DOCK3: variants seen among roughly 807,000 people sequenced by gnomAD.
DOCK3 encodes the protein dedicator of cytokinesis protein 3.
DOCK3 carries 60 observed loss-of-function variants against 265.6 expected under a neutral mutation model. The observed-to-expected ratio is 0.23, with a 90% CI of 0.18 to 0.28. DOCK3 has a LOEUF of 0.28. DOCK3 is among the 10% of genes least tolerant of loss of function. The probability of loss-of-function intolerance (pLI) is 1.00; values close to 1 mark genes in which losing one functional copy is unlikely to be tolerated. For synonymous variants in DOCK3, 881 were observed against 938.0 expected, an observed-to-expected ratio of 0.94 and a Z score of 1.11; for missense variants, 1,981 against 2,594.3, an observed-to-expected ratio of 0.76 and a Z score of 5.14.
chr3:51,273,514 T>G (rs931367433), intron 24 of DOCK3, among the ~76,000 whole-genome samples: 8 of 152,232 alleles, frequency 5.3e-5, no homozygotes, highest in Non-Finnish European at 8.8e-5. Flanking sequence ...TAACCACTGT[T>G]TTTTTCTGTA....
intron 9 of DOCK3, among the ~76,000 whole-genome samples, chr3:51,144,009 G>A (rs1395258726): frequency 1.3e-5 from 2 of 152,002 alleles, no homozygotes; most frequent in Admixed American, 1.3e-4. Context: ...TCTTGTATTC[G>A]AGCCTGTGAT....
At chr3:50,758,498 G>A (rs1353107187) in intron 1 of DOCK3, among the ~76,000 whole-genome samples, 1 of 152,022 alleles carries the variant, frequency 6.6e-6, no homozygotes, top group Non-Finnish European at 1.5e-5. Flanking sequence ...ATTTGTAAGT[G>A]TACAGTTCTG....
At position 51,239,474 on chromosome 3, in the gene DOCK3, G is replaced by T. The variant is rs147711337; in HGVS notation, c.2102+1884G>T. On this transcript the variant is annotated intron_variant, in intron 21 of 52. Transcript: ENST00000266037. ...GCCTCCCAAAGTGCTGGGATTACAG[G>T]TGTAAGCCACTGTGCCCAGCCACTG... 7.5e-3 allele frequency among the ~76,000 whole-genome samples: 1,137 copies of T among 151,834 alleles called. 15 individuals carry two copies. Among genetic ancestry groups the T allele is most frequent in the African/African-American group, 0.026 (1,092 of 41,430 alleles).
chr3:51,077,799 C>A (rs2082102660), intron 7 of DOCK3, among the ~76,000 whole-genome samples: 2 of 152,124 alleles, frequency 1.3e-5, no homozygotes, highest in African/African-American at 4.8e-5. Context: ...GTCTAGAGCT[C>A]ATAAATGAAG....
chr3:51,346,825 A>G (rs370235059), intron 38 of DOCK3, among the ~76,000 whole-genome samples: 14 of 152,196 alleles, frequency 9.2e-5, no homozygotes, highest in Admixed American at 5.2e-4. Flanking sequence ...TTTAATGATC[A>G]CCATTCTAAC....
chr3:50,696,637 T>C (rs1013009293), intron 1 of DOCK3, among the ~76,000 whole-genome samples: 3 of 152,210 alleles, frequency 2.0e-5, no homozygotes, highest in African/African-American at 7.2e-5. Flanking sequence ...GACCATGTTA[T>C]TTGCAGCTAC....
chr3:51,004,555 C>T (rs539408080), intron 5 of DOCK3, among the ~76,000 whole-genome samples: 290 of 152,092 alleles, frequency 1.9e-3, no homozygotes, highest in African/African-American at 6.7e-3. Context: ...GTGATTCCAA[C>T]TGTGTTTATG....
chr3:51,358,171 G>A, intron 46 of DOCK3, 94 bp downstream of exon 46: 5 of 1,335,042 alleles, frequency 3.7e-6, no homozygotes, highest in Non-Finnish European at 4.2e-6. Context: ...AGGAGAGAGG[G>A]AGCCTGGGCA....
At chr3:51,176,827 C>T (rs760917175) in intron 12 of DOCK3, among the ~76,000 whole-genome samples, 13 of 152,162 alleles carry the variant, frequency 8.5e-5, no homozygotes, top group South Asian at 2.1e-4. Context: ...ACTGGTGGTT[C>T]GGAAAATGAG....
chr3:51,305,024 A>G (rs2082575545), intron 27 of DOCK3, among the ~76,000 whole-genome samples: 1 of 152,244 alleles, frequency 6.6e-6, no homozygotes, highest in Admixed American at 6.5e-5. Context: ...GCATTTGAGG[A>G]AAACGTGTGT....
intron 3 of DOCK3, among the ~76,000 whole-genome samples, chr3:50,869,180 T>C (rs1463524180): frequency 1.3e-5 from 2 of 151,088 alleles, no homozygotes; most frequent in African/African-American, 4.9e-5. Context: ...TTCACTGTGT[T>C]AGCCAGGATG....
chr3:50,834,321 G>T (rs1400678099), intron 2 of DOCK3, among the ~76,000 whole-genome samples: 3 of 151,834 alleles, frequency 2.0e-5, no homozygotes, highest in Non-Finnish European at 4.4e-5. Flanking sequence ...AATTGTTTAG[G>T]GAAGCCCCTA....
intron 40 of DOCK3, among the ~76,000 whole-genome samples, chr3:51,351,084 T>C (rs1182683322): frequency 1.3e-5 from 2 of 152,216 alleles, no homozygotes; most frequent in African/African-American, 2.4e-5. Context: ...GTTGTGATTT[T>C]CTTATTTATT....
intron 5 of DOCK3, among the ~76,000 whole-genome samples, chr3:51,039,508 C>T (rs1208968395): frequency 6.6e-6 from 1 of 152,076 alleles, no homozygotes; most frequent in Non-Finnish European, 1.5e-5. Context: ...GTACTTTTAC[C>T]ATGATTTTGG....
chr3:51,034,754 T>C (rs1272281066), intron 5 of DOCK3, among the ~76,000 whole-genome samples: 3 of 152,134 alleles, frequency 2.0e-5, no homozygotes, highest in East Asian at 1.9e-4. Flanking sequence ...ATAAAAACTT[T>C]AGCATTTCTT....
At chr3:50,761,336 A>C (rs2040519895) in intron 1 of DOCK3, among the ~76,000 whole-genome samples, 1 of 152,228 alleles carries the variant, frequency 6.6e-6, no homozygotes, top group African/African-American at 2.4e-5. Context: ...CAGTAGAAGG[A>C]AAACTTAGCT....
chr3:51,280,326 C>A, intron 27 of DOCK3, 122 bp downstream of exon 27: 1 of 910,180 alleles, frequency 1.1e-6, no homozygotes, highest in Non-Finnish European at 1.7e-6. Context: ...TAGGATTCAC[C>A]AGCCCTGCTT....
At chr3:50,802,754 C>A (rs1374990939) in intron 2 of DOCK3, among the ~76,000 whole-genome samples, 1 of 152,044 alleles carries the variant, frequency 6.6e-6, no homozygotes, top group Admixed American at 6.6e-5. Flanking sequence ...ATATGTCTCT[C>A]AGTGAGGACC....
intron 4 of DOCK3, among the ~76,000 whole-genome samples, chr3:50,919,496 A>G (rs1559814204): frequency 1.3e-5 from 2 of 151,862 alleles, no homozygotes; most frequent in African/African-American, 4.8e-5. Flanking sequence ...ATTCCTAGGT[A>G]TTTTATTCTC....
Sources: gnomAD v4.1 joint callset for allele counts (sites outside exome capture counted in the v4.1 genomes callset) on GRCh38, gnomAD v4.1.1 for gene constraint, MANE v1.5 for transcripts, NCBI Gene and HGNC (gene_info 2026-07-23, HGNC 2026-07-21) for gene names.